Variants in HIRA observed in about 807,000 individuals in gnomAD.
HIRA encodes the protein protein HIRA.
In HIRA, 13 loss-of-function variants were observed where a neutral mutation model predicts 126.6. The ratio of observed to expected loss-of-function variants is 0.10; its 90% CI spans 0.07 to 0.16. The LOEUF is 0.16. Among genes scored for constraint, HIRA ranks in the 10% least tolerant of loss-of-function variants. The pLI, the probability that HIRA is intolerant of heterozygous loss-of-function variation, is 1.00. For synonymous variants in HIRA, 511 were observed against 520.0 expected (o/e 0.98, Z 0.24); for missense variants, 834 against 1,314.4 (o/e 0.63, Z 5.65).
intron 9 of HIRA, among the ~76,000 whole-genome samples, chr22:19,390,563 C>T (rs1007512995): frequency 4.6e-5 from 6 of 131,446 alleles, no homozygotes; most frequent in African/African-American, 1.7e-4. Context: ...TGCACCACTG[C>T]ACTCCAGCCT....
intron 13 of HIRA, among the ~76,000 whole-genome samples, chr22:19,382,769 TTC>T (rs765971635): frequency 0.081 from 11,760 of 144,676 alleles, 1,265 homozygotes; most frequent in African/African-American, 0.3. Flanking sequence ...TCATTTTTCT[TTC>T]TTTTTTTTTT....
At chr22:19,415,614 C>A (rs1024622008) in intron 1 of HIRA, among the ~76,000 whole-genome samples, 1 of 152,062 alleles carries the variant, frequency 6.6e-6, no homozygotes, top group Admixed American at 6.6e-5. Flanking sequence ...CATGGAGAAA[C>A]CCTGTCTCTA....
At chr22:19,368,848 C>G (rs562126498) in intron 15 of HIRA, among the ~76,000 whole-genome samples, 1 of 152,120 alleles carries the variant, frequency 6.6e-6, no homozygotes, top group Non-Finnish European at 1.5e-5. Context: ...TTGGCACTGC[C>G]GAGCTCCAGC....
At chr22:19,363,328 TG>T (rs1463725826) in intron 15 of HIRA, among the ~76,000 whole-genome samples, 1 of 151,904 alleles carries the variant, frequency 6.6e-6, no homozygotes, top group Non-Finnish European at 1.5e-5. Context: ...TAATAGTAGG[TG>T]GACACAGTGG....
chr22:19,332,195 A>G (rs2088497363), intron 24 of HIRA, among the ~76,000 whole-genome samples: 1 of 152,234 alleles, frequency 6.6e-6, no homozygotes, highest in Non-Finnish European at 1.5e-5. Context: ...GGCTGCTCCA[A>G]AGGGAAAACT....
chr22:19,383,208 A>G (rs1026990394), intron 13 of HIRA, among the ~76,000 whole-genome samples: 1 of 152,182 alleles, frequency 6.6e-6, no homozygotes, highest in Non-Finnish European at 1.5e-5. Context: ...CTGATTATGG[A>G]TAATGTTTTT....
Position 19,388,549 on chromosome 22 carries a change from T to C in HIRA, c.942A>G (p.Thr314=). 3.1e-6 allele frequency: 5 copies of C among 1,612,772 alleles called. No individual in the cohort carries two copies. The highest frequency in any genetic ancestry group is 4.2e-6 in the Non-Finnish European group (5 of 1,178,722). Residue 314 remains threonine (T), a synonymous_variant, in exon 10 of 25, where the codon ACA becomes ACG. Transcript: ENST00000263208. ...TGACCACCAGCGGCCGTTTCAGACA[T>C]GTGAGCTGGAAGGAAAGACACAGTC... ...SKDRSLSVWL[T]CLKRPLVVIH... is the part of the protein sequence containing the mutation.
At chr22:19,366,738 C>T (rs1034665053) in intron 15 of HIRA, among the ~76,000 whole-genome samples, 2 of 152,144 alleles carry the variant, frequency 1.3e-5, no homozygotes, top group African/African-American at 4.8e-5. Context: ...AGATGCTGTG[C>T]ATATTGTTGA....
chr22:19,387,065 A>T (rs117202350), intron 11 of HIRA, among the ~76,000 whole-genome samples: 62 of 152,294 alleles, frequency 4.1e-4, no homozygotes, highest in Non-Finnish European at 7.8e-4. Context: ...AGCCTCTGGT[A>T]GGTGAAGCAG....
In HIRA at chr22:19,361,947, A is replaced by G. The variant is rs201363597; in HGVS notation, c.1776-16T>C. Reference sequence around the variant, plus strand: ...CTCTTTTAACCTGCACAAAAACATTACATCACACTTCCCTTCAGAAACCAT... The same window carrying G: ...CTCTTTTAACCTGCACAAAAACATTGCATCACACTTCCCTTCAGAAACCAT... On this transcript the variant is annotated splice_polypyrimidine_tract_variant and intron_variant, in intron 15 of 24. Coordinates refer to ENST00000263208, the MANE Select transcript of HIRA (RefSeq NM_003325.4). The G allele has an allele frequency of 1.8e-5, 29 of 1,611,796 alleles. No homozygotes were observed. The African/African-American group carries it at 3.5e-4, about 19-fold the overall frequency.
intron 15 of HIRA, among the ~76,000 whole-genome samples, chr22:19,362,899 G>C (rs2088877639): frequency 6.6e-6 from 1 of 151,400 alleles, no homozygotes; most frequent in South Asian, 2.1e-4. Flanking sequence ...GCTAAAACCA[G>C]AGAAGGCAGA....
rs2088866884 is a variant in HIRA, at chr22:19,361,833, G to A, written c.1874C>T (p.Ser625Leu). The change falls in exon 16 of 25, where the codon TCA (serine) becomes TTA (leucine). Residue 625 changes from serine (S) to leucine (L), a missense_variant. By Grantham distance (145) the Ser-to-Leu change is moderately radical. Around this residue, in one of 5 missense-constraint regions of HIRA, gnomAD observed 468 missense variants for 574.2 expected, o/e 0.82. Transcript: ENST00000263208. ...AAGCTCAAGTTTTCGCTTGGACAGTGAGGAAGCCTTAGCCAAAGGGACTTT... is the reference window on the plus strand; with the variant it reads ...AAGCTCAAGTTTTCGCTTGGACAGTAAGGAAGCCTTAGCCAAAGGGACTTT... ...DEKVPLAKAS[S>L]LSKRKLELEV... 4 of 1,614,156 alleles carry A rather than the reference G, an allele frequency of 2.5e-6. No homozygotes were observed. Among genetic ancestry groups the A allele is most frequent in the South Asian group, 1.1e-5 (1 of 91,084 alleles).
intron 15 of HIRA, among the ~76,000 whole-genome samples, chr22:19,362,475 T>C (rs2088873178): frequency 6.6e-6 from 1 of 152,230 alleles, no homozygotes; most frequent in South Asian, 2.1e-4. Context: ...TAAATGTTTA[T>C]TGTAAACTCT....
chr22:19,401,272 C>A (rs1439036650), intron 5 of HIRA, among the ~76,000 whole-genome samples: 2 of 152,164 alleles, frequency 1.3e-5, no homozygotes, highest in Non-Finnish European at 2.9e-5. Flanking sequence ...GTTCCCCTCT[C>A]CTTCAAATAC....
chr22:19,407,728 C>T (rs561365509), intron 3 of HIRA, among the ~76,000 whole-genome samples: 1 of 152,322 alleles, frequency 6.6e-6, no homozygotes, highest in Admixed American at 6.5e-5. Context: ...GACTTCATCT[C>T]ATCTGTCAGA....
At chr22:19,335,150 C>T (rs1342490061) in intron 24 of HIRA, among the ~76,000 whole-genome samples, 2 of 151,956 alleles carry the variant, frequency 1.3e-5, no homozygotes, top group African/African-American at 4.8e-5. Flanking sequence ...CCACTCCTGG[C>T]GTCTGTGATA....
intron 1 of HIRA, among the ~76,000 whole-genome samples, chr22:19,428,561 T>A (rs1006179529): frequency 1.3e-4 from 20 of 152,314 alleles, no homozygotes; most frequent in African/African-American, 4.8e-4. Context: ...CTGTTCTAGC[T>A]ACCCTCTCCA....
chr22:19,363,285 A>T (rs1395001697), intron 15 of HIRA, among the ~76,000 whole-genome samples: 1 of 151,520 alleles, frequency 6.6e-6, no homozygotes, highest in African/African-American at 2.4e-5. Context: ...GTTTTTAAAA[A>T]TTTAATTTTA....
intron 22 of HIRA, 69 bp downstream of exon 22, chr22:19,353,927 C>T (rs942436794): frequency 3.7e-5 from 58 of 1,564,188 alleles, no homozygotes; most frequent in Admixed American, 7.1e-5. Context: ...AGGGACTGTG[C>T]GTGCACTGAC....
Sources: gnomAD v4.1 joint callset for allele counts (sites outside exome capture counted in the v4.1 genomes callset) on GRCh38, gnomAD v4.1.1 for gene constraint, gnomAD v4.1.1 regional missense constraint, MANE v1.5 for transcripts, NCBI Gene and HGNC (gene_info 2026-07-23, HGNC 2026-07-21) for gene names.